Variants in BOLL observed in about 807,000 individuals in gnomAD.
BOLL encodes the protein boule RNA binding protein.
Under a neutral mutation model 44.4 loss-of-function variants are expected in BOLL, and 23 were observed. The ratio of observed to expected loss-of-function variants is 0.52; its 90% CI spans 0.37 to 0.73. The LOEUF is 0.73. Among genes scored for constraint, BOLL ranks in the 30% least tolerant of loss-of-function variants. The pLI is 0.00. For synonymous variants in BOLL, 97 were observed against 110.8 expected (o/e 0.88, Z 0.78); for missense variants, 287 against 338.3 (o/e 0.85, Z 1.19).
chr2:197,761,908 A>G (rs1688774908), intron 7 of BOLL, among the ~76,000 whole-genome samples: 2 of 69,418 alleles, frequency 2.9e-5, no homozygotes, highest in African/African-American at 1.3e-4. Flanking sequence ...GAATATAACA[A>G]TGTAATACAT....
chr2:197,743,005 A>C (rs1687826312), intron 10 of BOLL, 56 bp downstream of exon 10: 7 of 1,368,064 alleles, frequency 5.1e-6, no homozygotes, highest in Non-Finnish European at 6.9e-6. Flanking sequence ...GAAAGTTGGA[A>C]AACTTGAAAT....
chr2:197,742,431 T>C (rs534456227), intron 10 of BOLL, among the ~76,000 whole-genome samples: 6 of 152,260 alleles, frequency 3.9e-5, no homozygotes, highest in African/African-American at 1.4e-4. Flanking sequence ...CCAACAACGA[T>C]AGACTGGATT....
At chr2:197,756,280 A>G (rs1055988985) in intron 9 of BOLL, 148 bp downstream of exon 9, 1 of 753,370 alleles carries the variant, frequency 1.3e-6, no homozygotes, top group African/African-American at 1.8e-5. Flanking sequence ...ATTCTTAGAT[A>G]TAAGAAAGGG....
chr2:197,742,409 C>T (rs1188931047), intron 10 of BOLL, among the ~76,000 whole-genome samples: 2 of 152,106 alleles, frequency 1.3e-5, no homozygotes, highest in Non-Finnish European at 2.9e-5. Context: ...GACTTGGAAC[C>T]AACCCAAATG....
intron 9 of BOLL, among the ~76,000 whole-genome samples, chr2:197,753,379 C>T (rs2106344015): frequency 6.6e-6 from 1 of 152,236 alleles, no homozygotes; most frequent in Admixed American, 6.5e-5. Context: ...AAAATTTTTG[C>T]CATCTATCCA....
rs1034927677 is a variant in BOLL at position 197,775,576 on chromosome 2, A to G, written c.352+89T>C. The G allele has an allele frequency of 6.8e-6, 6 of 880,208 alleles. No homozygotes were observed. In the African/African-American group the frequency reaches 9.0e-5, roughly 13 times the overall value. 54.5% of individuals were successfully genotyped at this position (880,208 alleles called of 1,614,324 possible). A position where few individuals can be genotyped will look rare whatever the true frequency, so the allele number is the denominator to read the frequency against. On this transcript the variant is annotated intron_variant, in intron 5 of 10. Coordinates refer to ENST00000392296, the MANE Select transcript of BOLL (RefSeq NM_033030.6). ...AACTTTATTAGATGAAAGAAACATGATCTTTTAATAAAGTTCTATAAAAAG... is the reference window on the plus strand; with the variant it reads ...AACTTTATTAGATGAAAGAAACATGGTCTTTTAATAAAGTTCTATAAAAAG...
intron 10 of BOLL, among the ~76,000 whole-genome samples, chr2:197,729,672 C>G (rs569273972): frequency 3.9e-5 from 6 of 152,318 alleles, no homozygotes; most frequent in Admixed American, 6.5e-5. Context: ...CCCAAGCAGC[C>G]TAACTGGGAG....
intron 10 of BOLL, among the ~76,000 whole-genome samples, chr2:197,732,533 T>C (rs1160522954): frequency 2.6e-5 from 4 of 151,844 alleles, no homozygotes; most frequent in Non-Finnish European, 5.9e-5. Context: ...ACCAATATCC[T>C]TGATGAACAT....
upstream of BOLL, chr2:197,785,949 T>A (rs1451471919): frequency 6.5e-7 from 1 of 1,545,940 alleles, no homozygotes; most frequent in Non-Finnish European, 8.9e-7. The surrounding 1 kb of genome is among the most constrained non-coding windows in gnomAD (Gnocchi z 6.7). Flanking sequence ...CTCCCCGCTA[T>A]CCCGCGCCCT....
chr2:197,773,199 C>T (rs1689343600), intron 5 of BOLL, among the ~76,000 whole-genome samples: 2 of 151,590 alleles, frequency 1.3e-5, no homozygotes, highest in African/African-American at 4.8e-5. Context: ...TTTTGGAGGT[C>T]CATGGATTCC....
chr2:197,749,625 A>G (rs1688145382), intron 9 of BOLL, among the ~76,000 whole-genome samples: 1 of 151,898 alleles, frequency 6.6e-6, no homozygotes, highest in Admixed American at 6.6e-5. Flanking sequence ...CAAGCAGAAG[A>G]AAGGATATCA....
At chr2:197,739,921 A>G (rs1201844339) in intron 10 of BOLL, among the ~76,000 whole-genome samples, 1 of 152,150 alleles carries the variant, frequency 6.6e-6, no homozygotes, top group Non-Finnish European at 1.5e-5. Context: ...AATAACTATC[A>G]CTTACATAAT....
At chr2:197,769,441 A>G (rs556737098) in intron 6 of BOLL, among the ~76,000 whole-genome samples, 1 of 152,062 alleles carries the variant, frequency 6.6e-6, no homozygotes, top group Non-Finnish European at 1.5e-5. Context: ...TTTCTAGTTT[A>G]TTGGCGTAGA....
chr2:197,762,637 C>G (rs1417106355), intron 7 of BOLL, among the ~76,000 whole-genome samples: 1 of 152,010 alleles, frequency 6.6e-6, no homozygotes, highest in Admixed American at 6.6e-5. Flanking sequence ...GGAAATTAAG[C>G]AACATACTGC....
chr2:197,729,415 A>C (rs371387838), intron 10 of BOLL, among the ~76,000 whole-genome samples: 196 of 152,288 alleles, frequency 1.3e-3, no homozygotes, highest in Middle Eastern at 3.4e-3. Flanking sequence ...CCCAGGCTTG[A>C]TTAGGTAAAC....
chr2:197,779,035 GA>G lies in BOLL; in HGVS notation c.160del (p.Ser54ProfsTer6), dbSNP rs1428711101. 2 of 1,610,264 alleles carry G rather than the reference GA, an allele frequency of 1.2e-6. No homozygotes were observed. Among genetic ancestry groups the G allele is most frequent in the Admixed American group, 1.7e-5 (1 of 59,660 alleles). ...CACTTCTTTCACAGACCCATACTGG[GA>G]AAAAAATTTTCTTAAATCACTTTCG... Reference protein sequence around the residue: ...TNESDLRKFFSQYGSVKEVKI... With the variant: ...TNESDLRKFFXQYGSVKEVKI... On this transcript the variant is annotated frameshift_variant, in exon 3 of 11. Coordinates refer to ENST00000392296, the MANE Select transcript of BOLL (RefSeq NM_033030.6). LOFTEE classifies it high-confidence loss of function.
chr2:197,767,606 C>T (rs570230849), intron 6 of BOLL, among the ~76,000 whole-genome samples: 1 of 152,056 alleles, frequency 6.6e-6, no homozygotes, highest in Non-Finnish European at 1.5e-5. Context: ...CAGTAACTCT[C>T]AACCATGAGT....
intron 7 of BOLL, among the ~76,000 whole-genome samples, chr2:197,764,961 C>CAA (rs575105529): frequency 9.5e-4 from 128 of 134,332 alleles, no homozygotes; most frequent in African/African-American, 3.4e-3. Context: ...CCATGTGTTA[C>CAA]AAAAAAAAAA....
chr2:197,768,740 G>C (rs1689105098), intron 6 of BOLL, among the ~76,000 whole-genome samples: 1 of 148,434 alleles, frequency 6.7e-6, no homozygotes, highest in South Asian at 2.2e-4. Context: ...TCTTGTGCCA[G>C]TTTTCAAAGG....
Sources: allele counts gnomAD v4.1 joint callset (sites outside exome capture counted in the v4.1 genomes callset), GRCh38; gene constraint gnomAD v4.1.1; non-coding constraint Gnocchi (gnomAD v3.1); transcripts MANE v1.5; gene names NCBI Gene and HGNC (gene_info 2026-07-23, HGNC 2026-07-21).